The following DISP1 variants were observed in gnomAD, a reference collection of about 807,000 sequenced individuals.
DISP1 encodes dispatched RND transporter family member 1, also known as protein dispatched homolog 1.
Under a neutral mutation model 37.3 loss-of-function variants are expected in DISP1, and 30 were observed. The observed-to-expected ratio is 0.80, with a 90% confidence interval of 0.60 to 1.09. The LOEUF is 1.09. Among genes scored for constraint, DISP1 ranks in the 50% least tolerant of loss-of-function variants. The pLI is 0.00. For synonymous variants in DISP1, 634 were observed against 690.2 expected (o/e 0.92, Z 1.28); for missense variants, 1,598 against 1,879.5 (o/e 0.85, Z 2.77).
intron 3 of DISP1, among the ~76,000 whole-genome samples, chr1:222,946,559 A>G (rs1007613171): frequency 3.3e-5 from 5 of 152,146 alleles, no homozygotes; most frequent in African/African-American, 1.2e-4. Context: ...ATAATCCACA[A>G]TGTTTACTGA....
chr1:222,935,382 T>C (rs898146838), intron 2 of DISP1, among the ~76,000 whole-genome samples: 1 of 152,158 alleles, frequency 6.6e-6, no homozygotes, highest in Non-Finnish European at 1.5e-5. Flanking sequence ...ATCATCTGAG[T>C]GTACAGAATA....
chr1:222,837,044 A>T (rs1132369), intron 1 of DISP1: 50,084 of 398,434 alleles, frequency 0.13, 3,747 homozygotes, highest in South Asian at 0.16. Context: ...CCATGACTAC[A>T]CAAGTGCAAC....
intron 2 of DISP1, among the ~76,000 whole-genome samples, chr1:222,931,275 A>G (rs1490453582): frequency 1.3e-5 from 2 of 149,388 alleles, no homozygotes; most frequent in Non-Finnish European, 3.0e-5. Flanking sequence ...AGTTTGATTT[A>G]CCTCAGTGAT....
intron 3 of DISP1, chr1:222,945,670 G>A (rs971316035): frequency 6.6e-6 from 1 of 152,128 alleles, no homozygotes; most frequent in Non-Finnish European, 1.5e-5. Flanking sequence ...AGGTGGCTGA[G>A]CTCATCACTA....
intron 1 of DISP1, among the ~76,000 whole-genome samples, chr1:222,871,718 T>A (rs1375699464): frequency 6.6e-6 from 1 of 152,226 alleles, no homozygotes; most frequent in East Asian, 1.9e-4. Flanking sequence ...AGATATACAA[T>A]CATGTCATCT....
At chr1:222,852,241 GTT>G (rs11390277) in intron 1 of DISP1, among the ~76,000 whole-genome samples, 14 of 148,390 alleles carry the variant, frequency 9.4e-5, no homozygotes, top group Non-Finnish European at 1.3e-4. Flanking sequence ...AGCATTTGGG[GTT>G]TTTTTTTTTA....
At chr1:222,993,701 A>G (rs1678861902) in intron 7 of DISP1, among the ~76,000 whole-genome samples, 1 of 152,208 alleles carries the variant, frequency 6.6e-6, no homozygotes, top group African/African-American at 2.4e-5. Context: ...ATTTCTCTCA[A>G]TCAAAGTATT....
At chr1:222,843,600 A>G (rs1667731752) in intron 1 of DISP1, among the ~76,000 whole-genome samples, 2 of 152,108 alleles carry the variant, frequency 1.3e-5, no homozygotes, top group African/African-American at 4.8e-5. Flanking sequence ...TGATAAAAAT[A>G]GCAAACAAGA....
At chr1:222,815,313 G>C (rs1382670629) in intron 1 of DISP1, 1 of 153,010 alleles carries the variant, frequency 6.5e-6, no homozygotes, top group Non-Finnish European at 1.5e-5. Context: ...GAGGCACCGG[G>C]GACCCTGAGG....
rs1356157990 is a variant in DISP1, at chr1:222,986,483, C to T, written c.539+3374C>T. On this transcript the variant is annotated intron_variant, in intron 4 of 8. Transcript: ENST00000675850. Reference sequence around the variant, plus strand: ...TTCTGATCTGTTTCCAGAGTAAACCCAATAATAAGGTGACTGAAAATCTCT... The same window carrying T: ...TTCTGATCTGTTTCCAGAGTAAACCTAATAATAAGGTGACTGAAAATCTCT... Among the ~76,000 whole-genome samples the T allele has an allele frequency of 2.0e-5, 3 of 152,056 alleles. No homozygotes were observed. The East Asian group carries it at 5.8e-4, about 29-fold the overall frequency.
intron 3 of DISP1, among the ~76,000 whole-genome samples, chr1:222,981,200 C>T (rs1677808983): frequency 1.3e-5 from 2 of 152,222 alleles, no homozygotes; most frequent in South Asian, 4.1e-4. Context: ...GCCCTATGGG[C>T]TTTTCTTCCT....
intron 1 of DISP1, among the ~76,000 whole-genome samples, chr1:222,846,529 G>A (rs2125300598): frequency 6.6e-6 from 1 of 152,224 alleles, no homozygotes; most frequent in East Asian, 1.9e-4. Context: ...AATATGAGTT[G>A]ATAATGACTA....
chr1:222,906,961 A>T (rs72742235), intron 1 of DISP1, among the ~76,000 whole-genome samples: 25,710 of 152,222 alleles, frequency 0.17, 2,608 homozygotes, highest in Middle Eastern at 0.3. Context: ...ATTTAAGGTT[A>T]ATCATGGAAG....
At chr1:222,956,285 T>A (rs899844832) in intron 3 of DISP1, among the ~76,000 whole-genome samples, 2 of 152,128 alleles carry the variant, frequency 1.3e-5, no homozygotes, top group Admixed American at 6.5e-5. Flanking sequence ...GGGTACTTCA[T>A]GGAGGAAGAG....
chr1:222,985,503 A>G (rs1251840279), intron 4 of DISP1, among the ~76,000 whole-genome samples: 1 of 152,168 alleles, frequency 6.6e-6, no homozygotes, highest in Non-Finnish European at 1.5e-5. Flanking sequence ...TACAAAAATT[A>G]GCTGGGCATG....
chr1:222,818,514 C>T (rs1022335773), intron 1 of DISP1, among the ~76,000 whole-genome samples: 1 of 152,154 alleles, frequency 6.6e-6, no homozygotes, highest in Non-Finnish European at 1.5e-5. Flanking sequence ...AGACCAATAT[C>T]ACATATATAT....
chr1:222,969,644 T>A (rs1035532936), intron 3 of DISP1, among the ~76,000 whole-genome samples: 1 of 151,868 alleles, frequency 6.6e-6, no homozygotes, highest in African/African-American at 2.4e-5. Context: ...TTCAGAAGAT[T>A]TTAATTATAT....
chr1:222,966,089 A>G (rs573384563), intron 3 of DISP1, among the ~76,000 whole-genome samples: 183 of 152,274 alleles, frequency 1.2e-3, no homozygotes, highest in African/African-American at 4.2e-3. Context: ...CCAAAGTATC[A>G]GAGTTAATTT....
intron 1 of DISP1, among the ~76,000 whole-genome samples, chr1:222,839,543 A>G (rs1255856901): frequency 6.6e-6 from 1 of 152,220 alleles, no homozygotes; most frequent in African/African-American, 2.4e-5. Context: ...ACTGAGAGGT[A>G]GGGAGTGATC....
Sources: gnomAD v4.1 joint callset for allele counts (sites outside exome capture counted in the v4.1 genomes callset) on GRCh38, gnomAD v4.1.1 for gene constraint, MANE v1.5 for transcripts, NCBI Gene and HGNC (gene_info 2026-07-23, HGNC 2026-07-21) for gene names.